The following KAZN variants were observed in gnomAD, a reference collection of about 807,000 sequenced individuals.
The protein encoded by KAZN is kazrin, periplakin interacting protein.
KAZN carries 40 observed loss-of-function variants against 87.4 expected under a neutral mutation model. That is an observed-to-expected ratio of 0.46 (90% CI 0.36 to 0.60). KAZN has a LOEUF of 0.60. KAZN is among the 20% of genes least tolerant of loss of function. The pLI is 0.00. For missense variants in KAZN, 898 were observed against 1,073.9 expected (o/e 0.84, Z 2.29); for synonymous variants, 466 against 458.3 (o/e 1.02, Z -0.22).
chr1:15,068,162 A>G (rs1240339651), intron 8 of KAZN: 10 of 855,264 alleles, frequency 1.2e-5, no homozygotes, highest in South Asian at 1.1e-4. Flanking sequence ...ATCGAATTCT[A>G]TGTTATTTGA....
At chr1:14,927,133 T>G (rs962644253) in intron 1 of KAZN, among the ~76,000 whole-genome samples, 1 of 152,224 alleles carries the variant, frequency 6.6e-6, no homozygotes, top group African/African-American at 2.4e-5. Context: ...CACAACTCAC[T>G]TTCCCTGTTG....
intron 1 of KAZN, among the ~76,000 whole-genome samples, chr1:14,950,567 C>T (rs1237567726): frequency 1.3e-5 from 2 of 152,156 alleles, no homozygotes; most frequent in Non-Finnish European, 2.9e-5. Flanking sequence ...ACTTCTCACT[C>T]CACAGGCAAA....
At chr1:14,478,274 A>AAGGAAGGAAGGAAGGCAGGAAGG (rs1553178148) in intron 2 of KAZN, among the ~76,000 whole-genome samples, 1 of 111,404 alleles carries the variant, frequency 9.0e-6, no homozygotes, top group African/African-American at 2.9e-5. Context: ...AGGAAGGAAG[A>AAGGAAGGAAGGAAGGCAGGAAGG]AAGGAAGGAA....
At chr1:14,503,792 G>T (rs983282526) in intron 2 of KAZN, among the ~76,000 whole-genome samples, 23 of 152,038 alleles carry the variant, frequency 1.5e-4, no homozygotes, top group Non-Finnish European at 3.2e-4. Context: ...ATGAACCTAT[G>T]CTAATACCCT....
At position 14,672,489 on chromosome 1, in the gene KAZN, G is replaced by A. The variant is rs536886955; in HGVS notation, c.226+73266G>A. 3.7e-4 allele frequency among the ~76,000 whole-genome samples: 57 copies of A among 152,262 alleles called. No homozygotes were observed. In the South Asian group the frequency reaches 0.011, roughly 28 times the overall value. ...TCTTTCTCGAAGAGCTCCCAAGGCC[G>A]AGGATCATTGAAAGCTCAGTCGTTT... On this transcript the variant is annotated intron_variant, in intron 1 of 14. Coordinates refer to ENST00000376030, the MANE Select transcript of KAZN (RefSeq NM_201628.3).
At chr1:14,966,571 T>C (rs1207117110) in intron 2 of KAZN, among the ~76,000 whole-genome samples, 1 of 152,238 alleles carries the variant, frequency 6.6e-6, no homozygotes, top group Non-Finnish European at 1.5e-5. Context: ...GGTAGTTTCT[T>C]GAAGGTTTGT....
chr1:14,112,515 T>C (rs1210519901), intron 1 of KAZN, among the ~76,000 whole-genome samples: 1 of 152,220 alleles, frequency 6.6e-6, no homozygotes, highest in Non-Finnish European at 1.5e-5. Context: ...GCAGACACTC[T>C]CCTCTCACTC....
chr1:14,253,621 G>T (rs1052759550), intron 2 of KAZN, among the ~76,000 whole-genome samples: 1 of 152,116 alleles, frequency 6.6e-6, no homozygotes, highest in Non-Finnish European at 1.5e-5. Context: ...GTGGCAATTT[G>T]TTCTTTCTTC....
chr1:14,806,616 G>A (rs1057452162), intron 1 of KAZN, among the ~76,000 whole-genome samples: 4 of 152,110 alleles, frequency 2.6e-5, no homozygotes, highest in Non-Finnish European at 2.9e-5. Context: ...AACACACCAG[G>A]CTTCTTGACT....
chr1:14,931,934 T>C (rs2101581330), intron 1 of KAZN, among the ~76,000 whole-genome samples: 1 of 152,262 alleles, frequency 6.6e-6, no homozygotes, highest in Non-Finnish European at 1.5e-5. Flanking sequence ...GGCACGCGTG[T>C]TCCCAGAATC....
chr1:15,012,648 G>A (rs1237504458), intron 2 of KAZN, among the ~76,000 whole-genome samples: 3 of 152,200 alleles, frequency 2.0e-5, no homozygotes, highest in Non-Finnish European at 4.4e-5. Flanking sequence ...ATGGCCCGGC[G>A]TGGTTGCTCA....
At chr1:14,022,225 A>G (rs1252981229) in intron 1 of KAZN, among the ~76,000 whole-genome samples, 7 of 151,798 alleles carry the variant, frequency 4.6e-5, no homozygotes, top group Non-Finnish European at 1.0e-4. Flanking sequence ...ACAAAAATTG[A>G]CTTTTCTTTT....
At chr1:15,087,186 C>A (rs763599188) in intron 8 of KAZN, among the ~76,000 whole-genome samples, 4 of 152,152 alleles carry the variant, frequency 2.6e-5, no homozygotes, top group Admixed American at 6.5e-5. Flanking sequence ...CTAATGCAAG[C>A]CACATGTGTA....
Position 14,894,049 on chromosome 1 carries a change from C to A in KAZN, c.227-66635C>A, listed in dbSNP as rs141651191. Among the ~76,000 whole-genome samples the A allele has an allele frequency of 2.6e-3, 403 of 152,240 alleles. 7 individuals are homozygous for A. The highest frequency in any genetic ancestry group is 0.018 in the Admixed American group (282 of 15,274). On this transcript the variant is annotated intron_variant, in intron 1 of 14. Transcript: ENST00000376030. ...TGCTGATTTCAAGCTAACTGTCCCC[C>A]AAATCCACTTCTCTGACCCACCAGA...
chr1:14,570,788 C>G (rs999168413), intron 2 of KAZN, among the ~76,000 whole-genome samples: 2 of 152,188 alleles, frequency 1.3e-5, no homozygotes, highest in South Asian at 4.1e-4. Flanking sequence ...TGCTTAACAT[C>G]TTGAGAAATT....
chr1:14,120,299 TTTTA>T (rs920675740), intron 1 of KAZN, among the ~76,000 whole-genome samples: 51 of 152,188 alleles, frequency 3.4e-4, no homozygotes, highest in African/African-American at 1.2e-3. Context: ...CCGTGCACTC[TTTTA>T]AACAACCAGG....
At chr1:14,685,962 G>C (rs138119752) in intron 1 of KAZN, among the ~76,000 whole-genome samples, 57 of 152,318 alleles carry the variant, frequency 3.7e-4, no homozygotes, top group African/African-American at 1.2e-3. Flanking sequence ...CAAAGAGATG[G>C]AGTAAACTCC....
At chr1:14,328,108 A>G (rs554337232) in intron 2 of KAZN, among the ~76,000 whole-genome samples, 1 of 152,242 alleles carries the variant, frequency 6.6e-6, no homozygotes, top group Non-Finnish European at 1.5e-5. Context: ...TAATTAACCT[A>G]TTTCCTCCCC....
rs144026322 is a variant in KAZN, at chr1:14,005,224, G to C, written c.91+111468G>C. Among the ~76,000 whole-genome samples the C allele has an allele frequency of 2.5e-3, 379 of 152,310 alleles. 4 individuals carry two copies. The highest frequency in any genetic ancestry group is 8.8e-3 in the African/African-American group (366 of 41,562). The stretch of plus-strand genomic sequence containing the variant: ...CAGTGGAGTGAGCATTCTGGATGTG[G>C]AGAGAGAGTTAGGTGGTTCTTGCAA... On this transcript the variant is annotated intron_variant, in intron 1 of 16. Transcript: ENST00000636203.
Sources: allele counts gnomAD v4.1 joint callset (sites outside exome capture counted in the v4.1 genomes callset), GRCh38; gene constraint gnomAD v4.1.1; transcripts MANE v1.5; gene names NCBI Gene and HGNC (gene_info 2026-07-23, HGNC 2026-07-21).